The following METTL6 variants were observed in gnomAD, a reference collection of about 807,000 sequenced individuals.
The protein encoded by METTL6 is methyltransferase 6, tRNA N3-cytidine, also known as tRNA N(3)-cytidine methyltransferase METTL6.
A neutral mutation model predicts 26.4 loss-of-function variants in METTL6; 22 were observed. That is an observed-to-expected ratio of 0.83 (90% CI 0.59 to 1.19). METTL6 has a LOEUF of 1.19. Ranked by LOEUF, METTL6 falls within the 50% of genes most tolerant of loss-of-function variation. METTL6 has a pLI of 0.00. For missense variants in METTL6, 304 were observed against 324.8 expected, an observed-to-expected ratio of 0.94 and a Z score of 0.49; for synonymous variants, 109 against 116.2, an observed-to-expected ratio of 0.94 and a Z score of 0.40.
intron 6 of METTL6, among the ~76,000 whole-genome samples, chr3:15,386,205 T>C (rs1160076286): frequency 1.3e-5 from 2 of 152,194 alleles, no homozygotes; most frequent in Non-Finnish European, 2.9e-5. Flanking sequence ...GGCACTGCCA[T>C]GGCATTTGTA....
At chr3:15,413,553 C>G in intron 5 of METTL6, 1 of 919,306 alleles carries the variant, frequency 1.1e-6, no homozygotes, top group Non-Finnish European at 1.4e-6. Context: ...GCCTGGGTGA[C>G]AGAATTAGAC....
chr3:15,399,372 C>T (rs1256780995), intron 6 of METTL6: 2 of 152,090 alleles, frequency 1.3e-5, no homozygotes, highest in Non-Finnish European at 2.9e-5. Flanking sequence ...TCCCTTTACT[C>T]AAATTCTTTC....
At chr3:15,426,722 C>G in intron 1 of METTL6, 87 bp from the exon 2 acceptor site, 1 of 582,236 alleles carries the variant, frequency 1.7e-6, no homozygotes, top group South Asian at 2.2e-5. Context: ...GAGATGCAGA[C>G]TGTACAAAAA....
At chr3:15,399,202 GC>G (rs370244964) in intron 6 of METTL6, among the ~76,000 whole-genome samples, 7 of 125,590 alleles carry the variant, frequency 5.6e-5, no homozygotes, top group Non-Finnish European at 8.4e-5. Context: ...TCCTTCCCCT[GC>G]CCCCCCAACC....
intron 2 of METTL6, 96 bp downstream of exon 2, chr3:15,426,191 G>C (rs1381751228): frequency 8.5e-7 from 1 of 1,181,198 alleles, no homozygotes; most frequent in Non-Finnish European, 1.2e-6. Context: ...CGCCTGCCTT[G>C]GCCTCCCCAA....
At chr3:15,391,871 A>G (rs942431303) in intron 6 of METTL6, among the ~76,000 whole-genome samples, 3 of 152,108 alleles carry the variant, frequency 2.0e-5, no homozygotes, top group African/African-American at 4.8e-5. Flanking sequence ...GTGTATATGC[A>G]CCACATTTTC....
At chr3:15,395,585 T>C (rs1006091777) in intron 6 of METTL6, among the ~76,000 whole-genome samples, 7 of 152,202 alleles carry the variant, frequency 4.6e-5, no homozygotes, top group African/African-American at 9.7e-5. Context: ...ATGAAGTTTC[T>C]TCCTAGTCTC....
At position 15,413,866 on chromosome 3, in the gene METTL6, C is replaced by G. The variant is rs968654071; in HGVS notation, c.673+155G>C. 3 of 1,517,832 alleles carry G rather than the reference C, an allele frequency of 2.0e-6. No individual in the cohort carries two copies. The Admixed American group carries it at 5.9e-5, about 30-fold the overall frequency. 94.0% of individuals were successfully genotyped at this position (1,517,832 alleles called of 1,614,324 possible). On this transcript the variant is annotated intron_variant, in intron 5 of 5. Coordinates refer to ENST00000383790, the MANE Select transcript of METTL6 (RefSeq NM_152396.4). ...AGGGCAGGGGCCAGGTCTGTGCCTT[C>G]CAGGTGCTGGGTAAATATTGTGCAG...
downstream of METTL6, among the ~76,000 whole-genome samples, chr3:15,405,735 T>C (rs1029944503): frequency 6.6e-6 from 1 of 152,196 alleles, no homozygotes; most frequent in African/African-American, 2.4e-5. Context: ...CAATATACTT[T>C]CTGGAGAAAT....
At chr3:15,404,302 T>C (rs1699729944) in intron 6 of METTL6, among the ~76,000 whole-genome samples, 1 of 152,042 alleles carries the variant, frequency 6.6e-6, no homozygotes, top group Non-Finnish European at 1.5e-5. Flanking sequence ...ATACCACACA[T>C]TTGAGGAGGA....
chr3:15,392,393 T>C (rs982539077), intron 6 of METTL6, among the ~76,000 whole-genome samples: 13 of 152,174 alleles, frequency 8.5e-5, no homozygotes, highest in African/African-American at 9.7e-5. Context: ...ATTCTGGATA[T>C]TAGCCCTTTG....
chr3:15,395,199 T>C (rs866993869), intron 6 of METTL6, among the ~76,000 whole-genome samples: 3 of 152,236 alleles, frequency 2.0e-5, no homozygotes, highest in Admixed American at 6.5e-5. Flanking sequence ...TGGGTGCATA[T>C]ATATTTAGGA....
intron 1 of METTL6, 130 bp from the exon 2 acceptor site, chr3:15,426,765 G>A: frequency 1.9e-6 from 1 of 522,278 alleles, no homozygotes; most frequent in South Asian, 2.6e-5. Flanking sequence ...AGGTCACAAA[G>A]AAGACAAACA....
At chr3:15,417,860 C>A (rs550585748) in intron 3 of METTL6, among the ~76,000 whole-genome samples, 2 of 152,268 alleles carry the variant, frequency 1.3e-5, no homozygotes, top group African/African-American at 2.4e-5. Flanking sequence ...TAGAGAACGA[C>A]CCCCTCTCCC....
chr3:15,412,358 A>T (rs1265409540), intron 5 of METTL6, among the ~76,000 whole-genome samples: 1 of 152,258 alleles, frequency 6.6e-6, no homozygotes, highest in Non-Finnish European at 1.5e-5. Flanking sequence ...ATTGCTCCAG[A>T]GAACGTGCTC....
chr3:15,397,777 G>A (rs747577018), intron 6 of METTL6, among the ~76,000 whole-genome samples: 7 of 152,284 alleles, frequency 4.6e-5, no homozygotes, highest in Non-Finnish European at 8.8e-5. Flanking sequence ...CTGCTAAGGT[G>A]TAAACATAAA....
At chr3:15,409,486 A>G (rs1699888416), downstream of METTL6, among the ~76,000 whole-genome samples, 1 of 152,242 alleles carries the variant, frequency 6.6e-6, no homozygotes, top group African/African-American at 2.4e-5. Context: ...CTGCAACACT[A>G]GCTACGTGAT....
At chr3:15,408,262 G>A (rs537469356), downstream of METTL6, among the ~76,000 whole-genome samples, 80 of 152,202 alleles carry the variant, frequency 5.3e-4, no homozygotes, top group Non-Finnish European at 2.6e-4. Flanking sequence ...CATGCTGGAC[G>A]CGTCATACAG....
exon 7 of METTL6, chr3:15,383,607 T>C (rs985272458): frequency 1.3e-5 from 2 of 152,308 alleles, no homozygotes; most frequent in African/African-American, 4.8e-5. Context: ...GAGTGTGATA[T>C]GCTAATTAGC....
Sources: gnomAD v4.1 joint callset for allele counts (sites outside exome capture counted in the v4.1 genomes callset) on GRCh38, gnomAD v4.1.1 for gene constraint, MANE v1.5 for transcripts, NCBI Gene and HGNC (gene_info 2026-07-23, HGNC 2026-07-21) for gene names.